CAMK2A: variants seen among roughly 807,000 people sequenced by gnomAD.
The protein encoded by CAMK2A is calcium/calmodulin dependent protein kinase II alpha, also known as calcium/calmodulin-dependent protein kinase type II subunit alpha.
Under a neutral mutation model 79.2 loss-of-function variants are expected in CAMK2A, and 7 were observed. That is an observed-to-expected ratio of 0.09 (90% CI 0.05 to 0.17). The LOEUF (loss-of-function observed/expected upper bound fraction) is 0.17. CAMK2A is among the 10% of genes least tolerant of loss of function. CAMK2A has a pLI of 1.00. For missense variants in CAMK2A, 214 were observed against 646.4 expected, an observed-to-expected ratio of 0.33 and a Z score of 7.25; for synonymous variants, 242 against 251.7, an observed-to-expected ratio of 0.96 and a Z score of 0.36.
intron 2 of CAMK2A, among the ~76,000 whole-genome samples, chr5:150,267,851 C>A (rs572274547): frequency 1.3e-5 from 2 of 151,536 alleles, no homozygotes; most frequent in East Asian, 1.9e-4. Context: ...ATCTTCCCCC[C>A]ACTCCTCCCC....
chr5:150,229,640 C>A (rs1754757293), intron 16 of CAMK2A, among the ~76,000 whole-genome samples: 1 of 152,170 alleles, frequency 6.6e-6, no homozygotes, highest in African/African-American at 2.4e-5. Flanking sequence ...TCCCCAGGAC[C>A]CCCAGAAGTG....
chr5:150,285,184 C>G (rs994807607), intron 1 of CAMK2A, among the ~76,000 whole-genome samples: 1 of 152,162 alleles, frequency 6.6e-6, no homozygotes, highest in Non-Finnish European at 1.5e-5. Context: ...GCAGTCTTCC[C>G]CCGATATGCT....
chr5:150,287,362 C>T (rs922378291), intron 1 of CAMK2A, among the ~76,000 whole-genome samples: 1 of 152,128 alleles, frequency 6.6e-6, no homozygotes, highest in African/African-American at 2.4e-5. Context: ...GAATATGTGA[C>T]CTAAAAAAGG....
chr5:150,238,731 G>A lies in CAMK2A; in HGVS notation c.1035C>T (p.Thr345=), dbSNP rs1298101142. Residue 345 remains threonine, a synonymous_variant, in exon 15 of 19, where the codon ACC becomes ACT. Coordinates refer to ENST00000671881, the MANE Select transcript of CAMK2A (RefSeq NM_015981.4). The part of the protein sequence containing the change: ...SVQLMESSES[T]NTTIEDEDTK... ...TGTCTTCATCCTCGATGGTGGTGTTGGTGCTCTCTGAGGATTCCTGCCAAA... is the reference window on the plus strand; with the variant it reads ...TGTCTTCATCCTCGATGGTGGTGTTAGTGCTCTCTGAGGATTCCTGCCAAA... 2 of 1,608,160 alleles carry A rather than the reference G, an allele frequency of 1.2e-6. No individual in the cohort carries two copies. Among genetic ancestry groups the A allele is most frequent in the African/African-American group, 1.3e-5 (1 of 74,820 alleles).
intron 2 of CAMK2A, among the ~76,000 whole-genome samples, chr5:150,268,328 C>A (rs944993134): frequency 1.3e-5 from 2 of 152,130 alleles, no homozygotes; most frequent in African/African-American, 4.8e-5. Context: ...TCCTCTCTGC[C>A]CTGACACACC....
In CAMK2A at chr5:150,228,300, G is replaced by A. The variant is rs1224516048; in HGVS notation, c.1143-14C>T. 3.7e-6 allele frequency: 6 copies of A among 1,605,972 alleles called. No individual in the cohort carries two copies. The African/African-American group carries it at 5.4e-5, about 14-fold the overall frequency. Reference sequence around the variant, plus strand: ...TCGCACATCTTCCTGGGGGAAAGAAGCCAGAGGGAAGAGGGACTGGGGCGG... The same window carrying A: ...TCGCACATCTTCCTGGGGGAAAGAAACCAGAGGGAAGAGGGACTGGGGCGG... On this transcript the variant is annotated splice_polypyrimidine_tract_variant and intron_variant, in intron 16 of 18. Coordinates refer to ENST00000671881, the MANE Select transcript of CAMK2A (RefSeq NM_015981.4).
intron 17 of CAMK2A, among the ~76,000 whole-genome samples, chr5:150,227,515 G>C (rs143889577): frequency 6.6e-6 from 1 of 152,122 alleles, no homozygotes; most frequent in Non-Finnish European, 1.5e-5. Context: ...ACCTGTGTGC[G>C]TTTTGGTTCA....
At chr5:150,253,238 G>C (rs1390321592) in intron 7 of CAMK2A, among the ~76,000 whole-genome samples, 1 of 152,200 alleles carries the variant, frequency 6.6e-6, no homozygotes, top group Non-Finnish European at 1.5e-5. Flanking sequence ...GAAGGCCGTA[G>C]GGTCCCATGC....
chr5:150,252,073 CAG>C lies in CAMK2A; in HGVS notation c.515-10_515-9del. The C allele has an allele frequency of 6.2e-7, 1 of 1,604,952 alleles. No homozygotes were observed. The highest frequency in any genetic ancestry group is 8.5e-7 in the Non-Finnish European group (1 of 1,172,150). On this transcript the variant is annotated splice_polypyrimidine_tract_variant and intron_variant, in intron 7 of 18. Coordinates refer to ENST00000671881, the MANE Select transcript of CAMK2A (RefSeq NM_015981.4). ...CAGGAGTCCCTGCAAACCCTGCTCC[CAG>C]ACACACAGACAGGCAGACACATACA... is the stretch of plus-strand genomic sequence containing the variant.
At chr5:150,241,798 CCT>C (rs148311549) in intron 13 of CAMK2A, among the ~76,000 whole-genome samples, 3,576 of 151,228 alleles carry the variant, frequency 0.024, 152 homozygotes, top group African/African-American at 0.081. Flanking sequence ...CTCTCCTCCT[CCT>C]CTCTCTCTTC....
chr5:150,253,509 G>T lies in CAMK2A; in HGVS notation c.449C>A (p.Ala150Asp). ...NLLLASKLKG[A>D]AVKLADFGLA... ...GCCAAAGTCTGCCAGCTTCACTGCG[G>T]CACCCTTGAGCTTGGAGGCCAGCAA... The change falls in exon 7 of 19, where the codon GCC (alanine) becomes GAC (aspartate). Residue 150 changes from alanine (A) to aspartate (D), a missense_variant. Coordinates refer to ENST00000671881, the MANE Select transcript of CAMK2A (RefSeq NM_015981.4). The T allele has an allele frequency of 6.2e-7, 1 of 1,614,208 alleles. No individual in the cohort carries two copies. Among genetic ancestry groups the T allele is most frequent in the Non-Finnish European group, 8.5e-7 (1 of 1,180,010 alleles).
At chr5:150,275,950 A>C (rs1756927768) in intron 1 of CAMK2A, among the ~76,000 whole-genome samples, 1 of 152,042 alleles carries the variant, frequency 6.6e-6, no homozygotes, top group South Asian at 2.1e-4. Context: ...GAGGGGCTGA[A>C]AGTTCCAAGC....
intron 15 of CAMK2A, among the ~76,000 whole-genome samples, chr5:150,232,477 G>A (rs999944540): frequency 6.6e-6 from 1 of 152,218 alleles, no homozygotes; most frequent in Non-Finnish European, 1.5e-5. Flanking sequence ...CAAGGTGACT[G>A]AGCCTCAGTG....
chr5:150,273,203 G>A (rs1416157193), intron 1 of CAMK2A, 44 bp from the exon 2 acceptor site: 4 of 1,444,868 alleles, frequency 2.8e-6, no homozygotes, highest in South Asian at 2.3e-5. Flanking sequence ...AATGCCTGAG[G>A]GCTGTGTCCC....
intron 1 of CAMK2A, among the ~76,000 whole-genome samples, chr5:150,280,620 C>T (rs571934902): frequency 1.4e-4 from 22 of 152,288 alleles, no homozygotes; most frequent in Non-Finnish European, 2.2e-4. Flanking sequence ...GCGCCAGGTT[C>T]GCCCACCCAT....
intron 1 of CAMK2A, among the ~76,000 whole-genome samples, chr5:150,279,293 C>T (rs185604825): frequency 1.3e-5 from 2 of 152,202 alleles, no homozygotes; most frequent in African/African-American, 2.4e-5. Flanking sequence ...CATTGGAGAG[C>T]GCGGTTCAAC....
intron 3 of CAMK2A, among the ~76,000 whole-genome samples, chr5:150,261,933 C>T (rs1756320768): frequency 6.6e-6 from 1 of 152,238 alleles, no homozygotes; most frequent in African/African-American, 2.4e-5. Flanking sequence ...AACTTCATCA[C>T]TGACCTACCA....
chr5:150,272,898 A>G (rs1421449864), intron 2 of CAMK2A, among the ~76,000 whole-genome samples, 167 bp downstream of exon 2: 2 of 151,522 alleles, frequency 1.3e-5, no homozygotes, highest in African/African-American at 4.9e-5. Flanking sequence ...GAAAAGAAGG[A>G]AAAAGGGAAG....
At chr5:150,266,921 TC>T (rs1580939854) in intron 2 of CAMK2A, among the ~76,000 whole-genome samples, 1 of 151,998 alleles carries the variant, frequency 6.6e-6, no homozygotes, top group Non-Finnish European at 1.5e-5. Context: ...GGAATCCAGC[TC>T]CCCTTTCCCC....
Sources: allele counts gnomAD v4.1 joint callset (sites outside exome capture counted in the v4.1 genomes callset), GRCh38; gene constraint gnomAD v4.1.1; transcripts MANE v1.5; gene names NCBI Gene and HGNC (gene_info 2026-07-23, HGNC 2026-07-21).